ZFHX3: variants seen among roughly 807,000 people sequenced by gnomAD.
ZFHX3 encodes zinc finger homeobox protein 3.
ZFHX3 carries 42 observed loss-of-function variants against 279.1 expected under a neutral mutation model. The observed-to-expected ratio is 0.15, with a 90% CI of 0.12 to 0.19. The LOEUF is 0.19. Ranked by LOEUF, ZFHX3 falls within the 10% of genes least tolerant of loss-of-function variation. The pLI is 1.00. For synonymous variants in ZFHX3, 2,293 were observed against 1,957.8 expected, an observed-to-expected ratio of 1.17 and a Z score of -4.52; for missense variants, 4,981 against 4,754.0, an observed-to-expected ratio of 1.05 and a Z score of -1.40.
intron 5 of ZFHX3, among the ~76,000 whole-genome samples, chr16:73,230,434 A>C (rs980437981): frequency 1.3e-5 from 2 of 152,292 alleles, no homozygotes; most frequent in African/African-American, 2.4e-5. Context: ...TGTCTCAATG[A>C]TATAAAAAAA....
At chr16:72,852,057 G>T (rs1019746803) in intron 4 of ZFHX3, among the ~76,000 whole-genome samples, 2 of 152,060 alleles carry the variant, frequency 1.3e-5, no homozygotes, top group South Asian at 4.2e-4. Context: ...GTCCTGTTTG[G>T]AACTACTTCT....
At chr16:73,209,025 A>G (rs1215114049) in intron 5 of ZFHX3, among the ~76,000 whole-genome samples, 1 of 152,200 alleles carries the variant, frequency 6.6e-6, no homozygotes, top group African/African-American at 2.4e-5. Context: ...AGTTCAACCC[A>G]ATATATGAGG....
At chr16:73,609,278 T>C (rs2052221584) in intron 2 of ZFHX3, 1 of 152,212 alleles carries the variant, frequency 6.6e-6, no homozygotes, top group Admixed American at 6.5e-5. Flanking sequence ...TTATTCATCA[T>C]AACCACCTAC....
At chr16:72,931,359 C>T (rs1959787713) in intron 3 of ZFHX3, among the ~76,000 whole-genome samples, 1 of 150,560 alleles carries the variant, frequency 6.6e-6, no homozygotes, top group Admixed American at 6.7e-5. Context: ...CACTTGTTGA[C>T]TCAGAGCTGT....
At chr16:72,807,612 T>C (rs2036308237) in intron 7 of ZFHX3, 1 of 152,090 alleles carries the variant, frequency 6.6e-6, no homozygotes, top group African/African-American at 2.4e-5. Context: ...AGAAAGACGT[T>C]GTGTAGAAAG....
At chr16:73,093,421 C>T (rs1197172829) in exon 8 of ZFHX3, 1 of 471,978 alleles carries the variant, frequency 2.1e-6, no homozygotes, top group Non-Finnish European at 4.3e-6. Flanking sequence ...TCACTTTGGT[C>T]CGTTTGAGGG....
At chr16:73,800,415 C>T (rs1267786123) in intron 1 of ZFHX3, among the ~76,000 whole-genome samples, 1 of 152,094 alleles carries the variant, frequency 6.6e-6, no homozygotes, top group Non-Finnish European at 1.5e-5. Flanking sequence ...CGGGGTTTCA[C>T]CATATTGGTC....
intron 2 of ZFHX3, among the ~76,000 whole-genome samples, chr16:73,662,130 T>C (rs145271586): frequency 6.6e-6 from 1 of 152,296 alleles, no homozygotes; most frequent in East Asian, 1.9e-4. Flanking sequence ...TGCATTATTA[T>C]GTGAAAGAGA....
chr16:72,856,162 G>C (rs1213495051), intron 4 of ZFHX3, among the ~76,000 whole-genome samples: 2 of 152,200 alleles, frequency 1.3e-5, no homozygotes, highest in African/African-American at 2.4e-5. Context: ...ATGAAGGGGG[G>C]AAAGAAACTG....
Position 72,795,468 on chromosome 16 carries a change from G to A in ZFHX3, c.7214C>T (p.Ala2405Val). Residue 2405 changes from alanine to valine, a missense_variant, in exon 9 of 10, where the codon GCT (alanine) becomes GTT (valine). By Grantham distance (64) the Ala-to-Val change is moderately conservative. Transcript: ENST00000268489. The stretch of plus-strand genomic sequence containing the variant: ...AGCCTCCGCTGTAAGCTGCAAGAAA[G>A]CGGAGGAAGCTGTATTATTGGCTGA... ...APSANNTASS[A>V]FLQLTAEAEE... The A allele has an allele frequency of 1.9e-6, 3 of 1,614,210 alleles. No homozygotes were observed. The South Asian group carries it at 3.3e-5, about 18-fold the overall frequency.
intron 5 of ZFHX3, among the ~76,000 whole-genome samples, chr16:73,151,306 G>A (rs1440264389): frequency 6.6e-6 from 1 of 152,180 alleles, no homozygotes; most frequent in East Asian, 1.9e-4. Context: ...ATGGAGGGAA[G>A]GGGAGACTTG....
intron 1 of ZFHX3, among the ~76,000 whole-genome samples, chr16:73,728,565 T>TA (rs1452941916): frequency 6.6e-6 from 1 of 152,162 alleles, no homozygotes; most frequent in Non-Finnish European, 1.5e-5. Context: ...CTCAGTCTCC[T>TA]ATACGATAAC....
intron 2 of ZFHX3, among the ~76,000 whole-genome samples, chr16:73,491,376 G>C (rs1282257597): frequency 6.6e-6 from 1 of 152,188 alleles, no homozygotes. Context: ...CACTGCAAAG[G>C]TGCTGCAGAA....
At chr16:73,411,146 G>A (rs546628402) in intron 3 of ZFHX3, among the ~76,000 whole-genome samples, 1 of 152,314 alleles carries the variant, frequency 6.6e-6, no homozygotes, top group Non-Finnish European at 1.5e-5. Context: ...CAGAGAATCC[G>A]AAGAGACTGG....
At chr16:73,859,420 C>A (rs145804491) in intron 1 of ZFHX3, among the ~76,000 whole-genome samples, 105 of 152,290 alleles carry the variant, frequency 6.9e-4, no homozygotes, top group Middle Eastern at 3.4e-3. Context: ...TCTCTCTCTG[C>A]CTATCAGCCA....
intron 2 of ZFHX3, among the ~76,000 whole-genome samples, chr16:73,529,012 A>G (rs2019745137): frequency 6.6e-6 from 1 of 152,238 alleles, no homozygotes; most frequent in African/African-American, 2.4e-5. Flanking sequence ...CTTGAGGACA[A>G]CAAAGAATAA....
intron 3 of ZFHX3, among the ~76,000 whole-genome samples, chr16:73,391,044 G>T (rs1026404322): frequency 6.6e-6 from 1 of 151,960 alleles, no homozygotes; most frequent in African/African-American, 2.4e-5. Flanking sequence ...CAGTGAGTCA[G>T]GGCCTGTAAA....
In ZFHX3 at chr16:72,787,680, C is replaced by A. The variant is rs759116279; in HGVS notation, c.10596G>T (p.Leu3532=). The A allele has an allele frequency of 6.6e-7, 1 of 1,525,652 alleles. No individual in the cohort carries two copies. The highest frequency in any genetic ancestry group is 8.8e-7 in the Non-Finnish European group (1 of 1,135,372). The allele number at this position is 1,525,652 out of a possible 1,614,324, so 94.5% of individuals were successfully genotyped here. A position where few individuals can be genotyped will look rare whatever the true frequency, so the allele number is the denominator to read the frequency against. Residue 3532 remains leucine, a synonymous_variant, in exon 10 of 10, where the codon CTG becomes CTT. Transcript: ENST00000268489. ...GGGGGGSYHC[L]ACESALCGEE... ...CCCCACAGAGCGCGCTCTCGCACGC[C>A]AGGCAGTGGTACGAGCCGCCGCCGC...
intron 5 of ZFHX3, among the ~76,000 whole-genome samples, chr16:73,163,026 C>G (rs1967275878): frequency 1.3e-5 from 2 of 152,178 alleles, no homozygotes; most frequent in African/African-American, 4.8e-5. Context: ...GCTTTTCCCT[C>G]AGGATTTGAT....
Sources: gnomAD v4.1 joint callset for allele counts (sites outside exome capture counted in the v4.1 genomes callset) on GRCh38, gnomAD v4.1.1 for gene constraint, MANE v1.5 for transcripts, NCBI Gene and HGNC (gene_info 2026-07-23, HGNC 2026-07-21) for gene names.